The following FRMD4A variants were observed in gnomAD, a reference collection of about 807,000 sequenced individuals.
FRMD4A encodes the protein FERM domain-containing protein 4A.
FRMD4A carries 29 observed loss-of-function variants against 129.1 expected under a neutral mutation model. That is an observed-to-expected ratio of 0.22 (90% CI 0.17 to 0.31). The LOEUF (loss-of-function observed/expected upper bound fraction) is 0.31. Ranked by LOEUF, FRMD4A falls within the 10% of genes least tolerant of loss-of-function variation. FRMD4A has a pLI of 1.00. For synonymous variants in FRMD4A, 634 were observed against 571.6 expected, an observed-to-expected ratio of 1.11 and a Z score of -1.56; for missense variants, 1,272 against 1,375.8, an observed-to-expected ratio of 0.92 and a Z score of 1.19.
intron 2 of FRMD4A, among the ~76,000 whole-genome samples, chr10:14,051,154 C>A (rs966405038): frequency 6.6e-6 from 1 of 152,206 alleles, no homozygotes; most frequent in Non-Finnish European, 1.5e-5. Context: ...ATAGCCTAAC[C>A]AAAATGCAGT....
chr10:13,952,458 ACCACTACATT>A (rs1200253292), intron 2 of FRMD4A, among the ~76,000 whole-genome samples: 1 of 152,086 alleles, frequency 6.6e-6, no homozygotes, highest in Non-Finnish European at 1.5e-5. Flanking sequence ...CTAAGATGGC[ACCACTACATT>A]CCAGCCCAGG....
intron 2 of FRMD4A, among the ~76,000 whole-genome samples, chr10:13,899,292 CTG>C (rs1187967416): frequency 4.6e-5 from 7 of 152,170 alleles, no homozygotes; most frequent in African/African-American, 1.7e-4. Flanking sequence ...AGTATGTACT[CTG>C]TATTAGGCAG....
intron 13 of FRMD4A, among the ~76,000 whole-genome samples, chr10:13,703,674 T>C (rs986913189): frequency 1.3e-5 from 2 of 152,096 alleles, no homozygotes; most frequent in African/African-American, 4.8e-5. Flanking sequence ...CCACAAGCAA[T>C]AGGATGACAC....
intron 6 of FRMD4A, among the ~76,000 whole-genome samples, chr10:13,781,697 G>A (rs916409531): frequency 6.6e-6 from 1 of 152,082 alleles, no homozygotes; most frequent in African/African-American, 2.4e-5. Flanking sequence ...GAACCTTGAG[G>A]CCATTATGCT....
At chr10:13,986,123 T>G (rs2095580302) in intron 2 of FRMD4A, among the ~76,000 whole-genome samples, 2 of 152,214 alleles carry the variant, frequency 1.3e-5, no homozygotes, top group Admixed American at 6.5e-5. Flanking sequence ...CTCTCCCACC[T>G]GGGTCCTCCC....
At chr10:14,282,399 C>G (rs575335823) in intron 2 of FRMD4A, among the ~76,000 whole-genome samples, 1 of 152,272 alleles carries the variant, frequency 6.6e-6, no homozygotes, top group East Asian at 1.9e-4. Flanking sequence ...AATTGTGATT[C>G]ATCTATCCTT....
chr10:14,283,940 T>C (rs1416638489), intron 2 of FRMD4A, among the ~76,000 whole-genome samples: 2 of 152,236 alleles, frequency 1.3e-5, no homozygotes, highest in Non-Finnish European at 2.9e-5. Context: ...CCAATATTAC[T>C]GTCAATTTGC....
At chr10:14,275,380 C>T (rs1390448648) in intron 2 of FRMD4A, among the ~76,000 whole-genome samples, 1 of 152,242 alleles carries the variant, frequency 6.6e-6, no homozygotes, top group Non-Finnish European at 1.5e-5. Flanking sequence ...GGGCAAAACA[C>T]ATCGGGGTGA....
chr10:14,018,455 CAA>C (rs71388151), intron 2 of FRMD4A, among the ~76,000 whole-genome samples: 1,749 of 59,074 alleles, frequency 0.03, 11 homozygotes, highest in East Asian at 0.13. Flanking sequence ...GACTCCATCT[CAA>C]AAAAAAAAAA....
chr10:14,197,359 T>C (rs1202671765), intron 2 of FRMD4A, among the ~76,000 whole-genome samples: 1 of 152,146 alleles, frequency 6.6e-6, no homozygotes, highest in East Asian at 1.9e-4. Flanking sequence ...ACAAGCAGGA[T>C]ATACGATCAC....
chr10:14,060,804 T>A (rs965998192), intron 2 of FRMD4A, among the ~76,000 whole-genome samples: 2 of 152,100 alleles, frequency 1.3e-5, no homozygotes, highest in Non-Finnish European at 2.9e-5. Context: ...AGAGAGGAAA[T>A]ACAGATGAAT....
intron 2 of FRMD4A, among the ~76,000 whole-genome samples, chr10:13,996,781 G>A (rs570049986): frequency 6.6e-6 from 1 of 152,286 alleles, no homozygotes; most frequent in East Asian, 1.9e-4. Flanking sequence ...TCTTAGAAAT[G>A]ATTTCTTCCA....
At chr10:14,211,590 G>A (rs778410867) in intron 2 of FRMD4A, among the ~76,000 whole-genome samples, 1 of 152,156 alleles carries the variant, frequency 6.6e-6, no homozygotes, top group Non-Finnish European at 1.5e-5. Flanking sequence ...CTCCTGCCAT[G>A]ATAAGATCTT....
intron 2 of FRMD4A, among the ~76,000 whole-genome samples, chr10:13,871,884 G>T (rs1375785313): frequency 6.6e-6 from 1 of 152,210 alleles, no homozygotes. Flanking sequence ...GAGCCACACC[G>T]CCGGGGCTTA....
chr10:13,766,227 A>G (rs1345801023), intron 6 of FRMD4A, among the ~76,000 whole-genome samples: 3 of 152,250 alleles, frequency 2.0e-5, no homozygotes, highest in Non-Finnish European at 4.4e-5. Flanking sequence ...TACCAAAAAT[A>G]TCCACAGGAA....
In FRMD4A at chr10:13,693,909, A is replaced by C; in HGVS notation, c.1106T>G (p.Leu369Arg). Residue 369 changes from leucine to arginine, a missense_variant, in exon 15 of 25, where the codon CTG becomes CGG. Transcript: ENST00000357447. ...TGGCCTCTGCCTACCTGAAGACAGC[A>C]GGCTGCCGCTGCTGCCGCTGATGAT... ...GKIISGSSGS[L>R]LSSGSQESDS... The C allele has an allele frequency of 6.2e-7, 1 of 1,608,430 alleles. No homozygotes were observed. The highest frequency in any genetic ancestry group is 8.5e-7 in the Non-Finnish European group (1 of 1,178,180).
rs775846641 is a variant in FRMD4A at position 13,997,624 on chromosome 10, CTTT to C, written c.46-138715_46-138713del. ...CATGGCAATTCTTTTCTTTTCTTTT[CTTT>C]TTTTTTTTTTTTTGAGATAATATCT... On this transcript the variant is annotated intron_variant, in intron 2 of 24. Transcript: ENST00000357447. 2.7e-4 allele frequency among the ~76,000 whole-genome samples: 23 copies of C among 86,184 alleles called. No homozygotes were observed. The South Asian group carries it at 4.7e-3, about 18-fold the overall frequency. The allele number at this position is 86,184 out of a possible 152,430, so 56.5% of individuals were successfully genotyped here.
chr10:13,711,989 T>A (rs1250237776), intron 12 of FRMD4A: 1 of 152,220 alleles, frequency 6.6e-6, no homozygotes, highest in African/African-American at 2.4e-5. Context: ...GTGGAATGAT[T>A]TTTACAAATG....
chr10:14,207,729 G>C (rs1383756916), intron 2 of FRMD4A, among the ~76,000 whole-genome samples: 1 of 151,654 alleles, frequency 6.6e-6, no homozygotes. Flanking sequence ...CGGAGGGAAG[G>C]AGAAGGAAGA....
Sources: allele counts gnomAD v4.1 joint callset (sites outside exome capture counted in the v4.1 genomes callset), GRCh38; gene constraint gnomAD v4.1.1; transcripts MANE v1.5; gene names NCBI Gene and HGNC (gene_info 2026-07-23, HGNC 2026-07-21).